Variants in CAST observed in about 807,000 individuals in gnomAD.
CAST encodes MIR583 host.
CAST carries 76 observed loss-of-function variants against 119.6 expected under a neutral mutation model. The observed-to-expected ratio is 0.64, with a 90% CI of 0.53 to 0.77. The LOEUF (loss-of-function observed/expected upper bound fraction) is 0.77. Ranked by LOEUF, CAST falls within the 30% of genes least tolerant of loss-of-function variation. The pLI is 0.00. For missense variants in CAST, 953 were observed against 946.5 expected (o/e 1.01, Z -0.09); for synonymous variants, 319 against 331.6 (o/e 0.96, Z 0.41).
At chr5:96,615,811 A>G (rs1249570307) in intron 1 of CAST, among the ~76,000 whole-genome samples, 2 of 152,188 alleles carry the variant, frequency 1.3e-5, no homozygotes, top group Non-Finnish European at 2.9e-5. Flanking sequence ...GGTTCTCTTG[A>G]CAACCAGAAC....
the CAST span, among the ~76,000 whole-genome samples, chr5:96,102,882 C>T: frequency 6.6e-6 from 1 of 152,116 alleles, no homozygotes; most frequent in Admixed American, 6.5e-5. Context: ...AACTGCCAAT[C>T]TATTATGGGA....
At chr5:96,211,745 C>T in the CAST span, among the ~76,000 whole-genome samples, 1 of 151,904 alleles carries the variant, frequency 6.6e-6, no homozygotes, top group Non-Finnish European at 1.5e-5. Flanking sequence ...AATAATTCTC[C>T]AGTGAAATCA....
intron 1 of CAST, among the ~76,000 whole-genome samples, chr5:96,609,138 C>A (rs261205): frequency 0.51 from 77,123 of 151,988 alleles, 19,558 homozygotes; most frequent in Admixed American, 0.53. Flanking sequence ...AATTATCTCA[C>A]AACAATTATG....
chr5:96,212,259 A>G, the CAST span, among the ~76,000 whole-genome samples: 1 of 152,134 alleles, frequency 6.6e-6, no homozygotes, highest in Non-Finnish European at 1.5e-5. Context: ...TAATGTAAGC[A>G]TTTAATGCTG....
At chr5:96,725,407 G>A (rs1456687589) in intron 4 of CAST, among the ~76,000 whole-genome samples, 1 of 152,204 alleles carries the variant, frequency 6.6e-6, no homozygotes, top group Non-Finnish European at 1.5e-5. Context: ...GGGAGAGAGT[G>A]CAGTGCGATG....
At chr5:95,975,777 G>T in the CAST span, among the ~76,000 whole-genome samples, 1 of 152,110 alleles carries the variant, frequency 6.6e-6, no homozygotes, top group East Asian at 1.9e-4. Context: ...AGATAAGGGA[G>T]CTAGACCAGG....
intron 1 of CAST, among the ~76,000 whole-genome samples, chr5:96,621,637 A>G (rs887499761): frequency 2.0e-4 from 31 of 152,064 alleles, no homozygotes; most frequent in African/African-American, 7.2e-4. Context: ...TGAGCCAATC[A>G]CCTCCCACCT....
the CAST span, among the ~76,000 whole-genome samples, chr5:95,967,789 A>G: frequency 3.3e-5 from 5 of 152,330 alleles, no homozygotes; most frequent in African/African-American, 9.6e-5. Context: ...TAAATTACCC[A>G]GTCTTGTTTA....
the CAST span, among the ~76,000 whole-genome samples, chr5:96,174,957 T>C: frequency 4.7e-4 from 72 of 152,310 alleles, 1 homozygote; most frequent in Middle Eastern, 0.01. Flanking sequence ...CAAACTGATA[T>C]TAATAATTTT....
At chr5:96,587,368 G>T (rs1746879504) in intron 1 of CAST, among the ~76,000 whole-genome samples, 1 of 152,228 alleles carries the variant, frequency 6.6e-6, no homozygotes, top group Non-Finnish European at 1.5e-5. Flanking sequence ...ATTGAAGGTG[G>T]TTAGGTGGGG....
chr5:96,246,280 T>C, the CAST span, among the ~76,000 whole-genome samples: 1 of 145,132 alleles, frequency 6.9e-6, no homozygotes, highest in African/African-American at 2.5e-5. Flanking sequence ...CCTCCGGGGT[T>C]CAGGCCATTC....
At chr5:96,578,221 A>G (rs1158663066) in intron 1 of CAST, among the ~76,000 whole-genome samples, 2 of 151,876 alleles carry the variant, frequency 1.3e-5, no homozygotes, top group African/African-American at 4.8e-5. Flanking sequence ...TGTCTAATTT[A>G]TCAGATATAA....
At chr5:96,404,531 A>T in the CAST span, among the ~76,000 whole-genome samples, 2 of 152,206 alleles carry the variant, frequency 1.3e-5, no homozygotes, top group Non-Finnish European at 2.9e-5. Flanking sequence ...TACTCTGGCT[A>T]TATAACATTT....
At position 96,552,602 on chromosome 5, in the gene CAST, G is replaced by A. The variant is rs1746155283; in HGVS notation, c.60+22722G>A. Reference sequence around the variant, plus strand: ...ACTGAAGGAGATAGAGACACAAAAAGCCCTTCAAAAAATCAGTGAATACAG... The same window carrying A: ...ACTGAAGGAGATAGAGACACAAAAAACCCTTCAAAAAATCAGTGAATACAG... On this transcript the variant is annotated intron_variant, in intron 1 of 11. Transcript: ENST00000505143. Among the ~76,000 whole-genome samples the A allele has an allele frequency of 2.0e-5, 3 of 151,926 alleles. 1 individual carries two copies. The highest frequency in any genetic ancestry group is 1.3e-4 in the Admixed American group (2 of 15,232).
chr5:96,309,079 T>C, the CAST span, among the ~76,000 whole-genome samples: 3 of 152,202 alleles, frequency 2.0e-5, no homozygotes, highest in Non-Finnish European at 2.9e-5. Context: ...CCCCAGATGC[T>C]TTGTCCCAGG....
At chr5:96,440,265 T>C in the CAST span, among the ~76,000 whole-genome samples, 1 of 151,868 alleles carries the variant, frequency 6.6e-6, no homozygotes, top group Non-Finnish European at 1.5e-5. Flanking sequence ...GGAGCTTCTC[T>C]CTTATGCCTG....
the CAST span, among the ~76,000 whole-genome samples, chr5:96,474,893 G>A: frequency 2.0e-5 from 3 of 152,178 alleles, no homozygotes; most frequent in Non-Finnish European, 4.4e-5. Flanking sequence ...ACTAAGTCTG[G>A]ATTATGCCAG....
the CAST span, among the ~76,000 whole-genome samples, chr5:96,276,251 A>G: frequency 6.6e-6 from 1 of 152,246 alleles, no homozygotes; most frequent in South Asian, 2.1e-4. Context: ...CAGAGTCAAA[A>G]TAGCCATATA....
the CAST span, among the ~76,000 whole-genome samples, chr5:96,046,235 C>T: frequency 1.3e-5 from 2 of 151,936 alleles, no homozygotes; most frequent in East Asian, 1.9e-4. Context: ...GATATACACA[C>T]ATCCAATAAT....
Sources: gnomAD v4.1 joint callset for allele counts (sites outside exome capture counted in the v4.1 genomes callset) on GRCh38, gnomAD v4.1.1 for gene constraint, MANE v1.5 for transcripts, NCBI Gene and HGNC (gene_info 2026-07-23, HGNC 2026-07-21) for gene names.